Variants in BCKDHB observed in about 807,000 individuals in gnomAD.
BCKDHB encodes the protein 2-oxoisovalerate dehydrogenase subunit beta, mitochondrial.
A neutral mutation model predicts 48.5 loss-of-function variants in BCKDHB; 41 were observed. The ratio of observed to expected loss-of-function variants is 0.85; its 90% CI spans 0.66 to 1.10. The LOEUF is 1.10. Ranked by LOEUF, BCKDHB falls within the 50% of genes least tolerant of loss-of-function variation. The pLI is 0.00. For synonymous variants in BCKDHB, 201 were observed against 174.8 expected, an observed-to-expected ratio of 1.15 and a Z score of -1.18; for missense variants, 496 against 494.2, an observed-to-expected ratio of 1.00 and a Z score of -0.03.
intron 9 of BCKDHB, among the ~76,000 whole-genome samples, chr6:80,331,699 A>G (rs150141781): frequency 7.2e-5 from 11 of 152,302 alleles, no homozygotes; most frequent in South Asian, 4.1e-4. Flanking sequence ...TGAACACTGT[A>G]TTTACAGGAC....
chr6:80,315,026 G>A (rs1768366093), intron 9 of BCKDHB, among the ~76,000 whole-genome samples: 1 of 152,166 alleles, frequency 6.6e-6, no homozygotes, highest in Admixed American at 6.5e-5. Flanking sequence ...TCCCCTCTCA[G>A]GCAGCCTCCA....
intron 1 of BCKDHB, among the ~76,000 whole-genome samples, chr6:80,111,716 TA>T (rs1481584676): frequency 6.6e-6 from 1 of 152,144 alleles, no homozygotes; most frequent in East Asian, 1.9e-4. Context: ...AGCCTTCCAC[TA>T]GAAACTAAAA....
chr6:80,194,186 A>G (rs183390991), intron 6 of BCKDHB, among the ~76,000 whole-genome samples: 81 of 152,222 alleles, frequency 5.3e-4, no homozygotes, highest in Middle Eastern at 3.4e-3. Context: ...TCTAAGGGAG[A>G]CTTGTTAAGG....
intron 9 of BCKDHB, among the ~76,000 whole-genome samples, chr6:80,300,699 A>G (rs572720656): frequency 5.3e-5 from 8 of 152,302 alleles, no homozygotes; most frequent in African/African-American, 1.9e-4. Flanking sequence ...ACTGCAGAAT[A>G]TATATTATTT....
chr6:80,222,297 G>A (rs1235332882), intron 8 of BCKDHB, among the ~76,000 whole-genome samples: 1 of 152,122 alleles, frequency 6.6e-6, no homozygotes, highest in Non-Finnish European at 1.5e-5. Context: ...TCACTGTTGG[G>A]CAACATGATT....
At chr6:80,271,808 A>G (rs1777756641) in intron 8 of BCKDHB, among the ~76,000 whole-genome samples, 2 of 130,128 alleles carry the variant, frequency 1.5e-5, no homozygotes, top group African/African-American at 2.6e-5. Flanking sequence ...GTGAGACTCC[A>G]TCTCAAAAAA....
the BCKDHB span, among the ~76,000 whole-genome samples, chr6:80,446,757 C>T: frequency 1.8e-5 from 2 of 109,402 alleles, no homozygotes; most frequent in Non-Finnish European, 3.5e-5. Context: ...CAGGAGCATT[C>T]TCTCTTACAG....
At chr6:80,368,805 G>GT in the BCKDHB span, among the ~76,000 whole-genome samples, 2 of 152,076 alleles carry the variant, frequency 1.3e-5, no homozygotes, top group African/African-American at 4.8e-5. Context: ...GAATTGAGGA[G>GT]TTTGAGACTA....
chr6:80,358,995 A>G, the BCKDHB span, among the ~76,000 whole-genome samples: 3 of 152,212 alleles, frequency 2.0e-5, no homozygotes, highest in Non-Finnish European at 4.4e-5. Context: ...GGGCCCCAAC[A>G]TTGTTAGTGT....
chr6:80,168,764 C>G, intron 4 of BCKDHB, 111 bp from the exon 5 acceptor site: 1 of 919,422 alleles, frequency 1.1e-6, no homozygotes, highest in South Asian at 1.6e-5. Flanking sequence ...GGGAAAGACT[C>G]ATTGTGCCTT....
At chr6:80,240,915 A>G (rs1420764033) in intron 8 of BCKDHB, among the ~76,000 whole-genome samples, 8 of 152,138 alleles carry the variant, frequency 5.3e-5, no homozygotes. Flanking sequence ...GTCTTTTCAC[A>G]TAGTCCCATA....
downstream of BCKDHB, among the ~76,000 whole-genome samples, chr6:80,347,003 G>GAAAAA (rs201565085): frequency 7.0e-6 from 1 of 143,426 alleles, no homozygotes; most frequent in East Asian, 2.0e-4. Context: ...AAAGCAAAAA[G>GAAAAA]AAAAAAAAAA....
At chr6:80,165,257 G>A (rs1772514227) in intron 3 of BCKDHB, among the ~76,000 whole-genome samples, 1 of 152,110 alleles carries the variant, frequency 6.6e-6, no homozygotes, top group Admixed American at 6.5e-5. Flanking sequence ...TGGTTCACTG[G>A]AATCATAGAT....
the BCKDHB span, among the ~76,000 whole-genome samples, chr6:80,400,051 C>T: frequency 6.6e-6 from 1 of 151,994 alleles, no homozygotes; most frequent in East Asian, 1.9e-4. Context: ...AAACTGTACT[C>T]CTTCCTTATA....
At chr6:80,179,611 C>T (rs2095811596) in intron 6 of BCKDHB, among the ~76,000 whole-genome samples, 1 of 152,136 alleles carries the variant, frequency 6.6e-6, no homozygotes, top group African/African-American at 2.4e-5. Context: ...AACCCCCATG[C>T]ATACCAAGGG....
chr6:80,249,650 C>T (rs959012992), intron 8 of BCKDHB, among the ~76,000 whole-genome samples: 3 of 152,106 alleles, frequency 2.0e-5, no homozygotes, highest in Non-Finnish European at 4.4e-5. Context: ...CCAAAGAGTA[C>T]TCTTGGGGTG....
the BCKDHB span, among the ~76,000 whole-genome samples, chr6:80,416,155 T>G: frequency 2.0e-5 from 3 of 152,034 alleles, no homozygotes; most frequent in Non-Finnish European, 4.4e-5. Flanking sequence ...ATTTGTCTTC[T>G]CTCTTTTCTT....
At chr6:80,395,804 G>T in the BCKDHB span, among the ~76,000 whole-genome samples, 1 of 152,138 alleles carries the variant, frequency 6.6e-6, no homozygotes, top group Non-Finnish European at 1.5e-5. Context: ...CATGGGCCAG[G>T]CTCAGGACCC....
chr6:80,311,628 C>T (rs1457924459), intron 9 of BCKDHB, among the ~76,000 whole-genome samples: 1 of 152,110 alleles, frequency 6.6e-6, no homozygotes, highest in Non-Finnish European at 1.5e-5. Flanking sequence ...AGGGGTCCAG[C>T]TTCAGTTTTC....
Sources: gnomAD v4.1 joint callset for allele counts (sites outside exome capture counted in the v4.1 genomes callset) on GRCh38, gnomAD v4.1.1 for gene constraint, MANE v1.5 for transcripts, NCBI Gene and HGNC (gene_info 2026-07-23, HGNC 2026-07-21) for gene names.